SLC30A8: variants seen among roughly 807,000 people sequenced by gnomAD.
The protein encoded by SLC30A8 is proton-coupled zinc antiporter SLC30A8.
In SLC30A8, 27 loss-of-function variants were observed where a neutral mutation model predicts 36.9. The ratio of observed to expected loss-of-function variants is 0.73; its 90% CI spans 0.54 to 1.01. The LOEUF is 1.01. Among genes scored for constraint, SLC30A8 ranks in the 50% least tolerant of loss-of-function variants. The pLI is 0.00. For synonymous variants in SLC30A8, 164 were observed against 172.4 expected, an observed-to-expected ratio of 0.95 and a Z score of 0.38; for missense variants, 439 against 452.0, an observed-to-expected ratio of 0.97 and a Z score of 0.26.
chr8:117,036,317 C>T lies in SLC30A8; in HGVS notation c.-265-2902C>T, dbSNP rs190853195. The stretch of plus-strand genomic sequence containing the variant: ...TAGGAAGTTCCAAACTTTCCCATAT[C>T]TTCCTGTCTTCTTCTGAGCTCTCCA... On this transcript the variant is annotated intron_variant, in intron 1 of 10. Transcript: ENST00000427715. Among the ~76,000 whole-genome samples the T allele has an allele frequency of 4.3e-4, 65 of 152,292 alleles. No individual in the cohort carries two copies. In the East Asian group the frequency reaches 0.012, roughly 29 times the overall value.
intron 2 of SLC30A8, among the ~76,000 whole-genome samples, chr8:117,118,378 CTG>C (rs1344885621): frequency 6.6e-6 from 1 of 151,878 alleles, no homozygotes; most frequent in Non-Finnish European, 1.5e-5. Flanking sequence ...ATTTCAAATA[CTG>C]TCTAAAAACT....
intron 1 of SLC30A8, among the ~76,000 whole-genome samples, chr8:116,970,116 T>C (rs1814742199): frequency 6.6e-6 from 1 of 152,126 alleles, no homozygotes; most frequent in Non-Finnish European, 1.5e-5. Flanking sequence ...TCTTATTCTA[T>C]AATTTTTTTT....
intron 6 of SLC30A8, among the ~76,000 whole-genome samples, chr8:117,165,865 A>AAATC (rs1239942940): frequency 6.6e-6 from 1 of 152,220 alleles, no homozygotes; most frequent in Non-Finnish European, 1.5e-5. Flanking sequence ...ATGCTAAGTA[A>AAATC]AATCAGCCAG....
At chr8:117,148,841 CTAAA>C (rs1269988776) in intron 2 of SLC30A8, among the ~76,000 whole-genome samples, 5 of 152,066 alleles carry the variant, frequency 3.3e-5, no homozygotes, top group Non-Finnish European at 7.4e-5. Flanking sequence ...GTTTTGTTTT[CTAAA>C]TAGTTACTTT....
chr8:117,068,738 G>A lies in SLC30A8; in HGVS notation c.-226+29480G>A, dbSNP rs575518219. Among the ~76,000 whole-genome samples, 33 of 151,998 alleles carry A rather than the reference G, an allele frequency of 2.2e-4. No homozygotes were observed. The South Asian group carries it at 6.7e-3, about 31-fold the overall frequency. On this transcript the variant is annotated intron_variant, in intron 2 of 10. Transcript: ENST00000427715. ...ATTACAGGTGCCCTCCATCATGCTC[G>A]GCTAATTTCTGTATTTTTAGTAGAG...
chr8:117,013,147 C>T (rs1391735336), intron 1 of SLC30A8, among the ~76,000 whole-genome samples: 1 of 152,086 alleles, frequency 6.6e-6, no homozygotes, highest in African/African-American at 2.4e-5. Flanking sequence ...GATTTGTATT[C>T]CTTCAGCTCA....
intron 2 of SLC30A8, among the ~76,000 whole-genome samples, chr8:117,041,154 G>A (rs1015245737): frequency 6.6e-6 from 1 of 152,160 alleles, no homozygotes; most frequent in Non-Finnish European, 1.5e-5. Flanking sequence ...AGCTTCTTCT[G>A]AGGCTTCCAA....
intron 3 of SLC30A8, among the ~76,000 whole-genome samples, chr8:117,157,032 T>G (rs1325846989): frequency 6.6e-6 from 1 of 152,208 alleles, no homozygotes; most frequent in Non-Finnish European, 1.5e-5. Flanking sequence ...AGTGAGCAAA[T>G]GCACTTTTCT....
intron 2 of SLC30A8, among the ~76,000 whole-genome samples, chr8:117,055,521 A>G (rs1228587055): frequency 6.6e-6 from 1 of 152,194 alleles, no homozygotes; most frequent in African/African-American, 2.4e-5. Flanking sequence ...GGATAATGTC[A>G]TTTTGATTTA....
chr8:117,115,317 C>T (rs115271460), intron 2 of SLC30A8, among the ~76,000 whole-genome samples: 1,686 of 152,050 alleles, frequency 0.011, 28 homozygotes, highest in African/African-American at 0.039. Context: ...GTGAAAATAG[C>T]GAAAGGTTGT....
chr8:117,084,610 T>G (rs1356913226), intron 2 of SLC30A8, among the ~76,000 whole-genome samples: 1 of 152,154 alleles, frequency 6.6e-6, no homozygotes, highest in Non-Finnish European at 1.5e-5. Flanking sequence ...CAGGTAGAAG[T>G]CTTGGCTCTT....
chr8:117,142,115 G>A (rs1821680546), intron 1 of SLC30A8, among the ~76,000 whole-genome samples: 1 of 152,042 alleles, frequency 6.6e-6, no homozygotes, highest in Admixed American at 6.6e-5. Context: ...TTGGGAATTG[G>A]CATGCCCTTC....
chr8:117,056,251 C>T (rs1274734438), intron 2 of SLC30A8: 1 of 152,246 alleles, frequency 6.6e-6, no homozygotes, highest in East Asian at 1.9e-4. Context: ...ACAATTCTCC[C>T]CATCTCCTCC....
Position 117,176,026 on chromosome 8 carries a change from T to C in SLC30A8, c.*3345T>C, listed in dbSNP as rs950400430. ...GTCCAGTGCAATGAAGGCAAAGTCA[T>C]AGGTCTCCCAAGTCTTACCCCATTC... On this transcript the variant is annotated 3_prime_UTR_variant, in exon 8 of 8. Transcript: ENST00000456015. 2.6e-5 allele frequency: 4 copies of C among 152,124 alleles called. No homozygotes were observed. The highest frequency in any genetic ancestry group is 9.7e-5 in the African/African-American group (4 of 41,448). The allele number at this position is 152,124 out of a possible 1,614,324, so 9.4% of individuals were successfully genotyped here. A position where few individuals can be genotyped will look rare whatever the true frequency, so the allele number is the denominator to read the frequency against.
intron 2 of SLC30A8, among the ~76,000 whole-genome samples, chr8:117,127,095 A>G (rs1210537028): frequency 6.6e-6 from 1 of 151,848 alleles, no homozygotes; most frequent in Non-Finnish European, 1.5e-5. Context: ...AGGCCACTGG[A>G]CCTGTCCTTG....
At chr8:116,986,677 A>T (rs1815453032) in intron 1 of SLC30A8, among the ~76,000 whole-genome samples, 1 of 152,150 alleles carries the variant, frequency 6.6e-6, no homozygotes, top group Non-Finnish European at 1.5e-5. Flanking sequence ...TGGATGTGAC[A>T]GCCTTCTCAG....
intron 2 of SLC30A8, among the ~76,000 whole-genome samples, chr8:117,066,689 A>G (rs532149090): frequency 7.2e-4 from 110 of 152,204 alleles, no homozygotes; most frequent in African/African-American, 2.4e-3. Context: ...CAATCATCTC[A>G]TAGTGCTAGG....
chr8:116,968,371 T>C (rs1437191192), intron 1 of SLC30A8, among the ~76,000 whole-genome samples: 1 of 149,952 alleles, frequency 6.7e-6, no homozygotes, highest in Admixed American at 6.7e-5. Flanking sequence ...TAAGCTATAG[T>C]ATATTATATA....
At position 117,021,451 on chromosome 8, in the gene SLC30A8, CA is replaced by C. The variant is rs1349695756; in HGVS notation, c.-265-17763del. On this transcript the variant is annotated intron_variant, in intron 1 of 10. Transcript: ENST00000427715. ...CTCCAACCAGCCACAGTGTCCTCTACAAAAACAAAAACTGCAAGATTTTATT... is the reference window on the plus strand; with the variant it reads ...CTCCAACCAGCCACAGTGTCCTCTACAAAACAAAAACTGCAAGATTTTATT... 3.3e-5 allele frequency among the ~76,000 whole-genome samples: 5 copies of C among 152,146 alleles called. No individual in the cohort carries two copies. In the East Asian group the frequency reaches 9.7e-4, roughly 29 times the overall value.
Sources: allele counts gnomAD v4.1 joint callset (sites outside exome capture counted in the v4.1 genomes callset), GRCh38; gene constraint gnomAD v4.1.1; transcripts MANE v1.5; gene names NCBI Gene and HGNC (gene_info 2026-07-23, HGNC 2026-07-21).